The following RAB38 variants were observed in gnomAD, a reference collection of about 807,000 sequenced individuals.
RAB38 encodes RAB38, member RAS oncogene family.
Under a neutral mutation model 18.4 loss-of-function variants are expected in RAB38, and 15 were observed. The ratio of observed to expected loss-of-function variants is 0.82; its 90% confidence interval spans 0.55 to 1.26. The LOEUF is 1.26. Among genes scored for constraint, RAB38 ranks in the 50% most tolerant of loss-of-function variants. The pLI, the probability that RAB38 is intolerant of heterozygous loss-of-function variation, is 0.00. For synonymous variants in RAB38, 101 were observed against 104.4 expected, an observed-to-expected ratio of 0.97 and a Z score of 0.20; for missense variants, 294 against 267.4, an observed-to-expected ratio of 1.10 and a Z score of -0.69.
At chr11:87,901,962 T>C in the RAB38 span, among the ~76,000 whole-genome samples, 1 of 151,360 alleles carries the variant, frequency 6.6e-6, no homozygotes, top group African/African-American at 2.4e-5. Flanking sequence ...CGCTGATAAC[T>C]TTTATGCTAA....
At chr11:87,811,785 A>T in the RAB38 span, among the ~76,000 whole-genome samples, 1 of 152,172 alleles carries the variant, frequency 6.6e-6, no homozygotes, top group Non-Finnish European at 1.5e-5. Context: ...CCTTAAATAC[A>T]TATTACTCAT....
the RAB38 span, among the ~76,000 whole-genome samples, chr11:88,072,006 C>T: frequency 5.3e-5 from 8 of 152,232 alleles, no homozygotes; most frequent in African/African-American, 1.9e-4. Flanking sequence ...GTCTACCTTT[C>T]ATACATACAC....
chr11:87,818,158 T>A, the RAB38 span, among the ~76,000 whole-genome samples: 5 of 152,324 alleles, frequency 3.3e-5, no homozygotes, highest in African/African-American at 1.2e-4. Context: ...AGATCTGGGA[T>A]AAGGCTTGAT....
intron 2 of RAB38, among the ~76,000 whole-genome samples, chr11:88,117,909 C>T (rs1385921950): frequency 2.0e-5 from 3 of 152,204 alleles, no homozygotes; most frequent in Non-Finnish European, 4.4e-5. Flanking sequence ...TACAAGTTAA[C>T]CATCAGAAGA....
intron 2 of RAB38, among the ~76,000 whole-genome samples, chr11:88,127,977 A>G (rs1369752236): frequency 6.6e-6 from 1 of 152,196 alleles, no homozygotes; most frequent in African/African-American, 2.4e-5. Flanking sequence ...GTTGGCATGT[A>G]GTGCTTACAA....
At chr11:88,155,501 G>C (rs181542177) in intron 1 of RAB38, among the ~76,000 whole-genome samples, 3 of 152,124 alleles carry the variant, frequency 2.0e-5, no homozygotes, top group African/African-American at 7.2e-5. Context: ...GAAAAAAATA[G>C]CAATAGTATG....
At chr11:88,044,988 A>G in the RAB38 span, among the ~76,000 whole-genome samples, 5 of 152,122 alleles carry the variant, frequency 3.3e-5, no homozygotes, top group South Asian at 8.3e-4. Context: ...TCTTAAAAAG[A>G]TGGCTGGAGC....
At chr11:88,090,755 A>G in the RAB38 span, among the ~76,000 whole-genome samples, 5 of 151,942 alleles carry the variant, frequency 3.3e-5, no homozygotes, top group Admixed American at 6.6e-5. Context: ...GCCAAAAATA[A>G]CAAATGCCAA....
chr11:87,915,355 G>T, the RAB38 span, among the ~76,000 whole-genome samples: 1 of 152,074 alleles, frequency 6.6e-6, no homozygotes, highest in Non-Finnish European at 1.5e-5. Context: ...GATAAAACAG[G>T]TTGCAGTAAA....
the RAB38 span, among the ~76,000 whole-genome samples, chr11:88,035,481 C>T: frequency 4.6e-5 from 7 of 152,188 alleles, no homozygotes; most frequent in Admixed American, 3.9e-4. Flanking sequence ...CTGACTCACA[C>T]AATCACAAGG....
At chr11:88,085,402 CT>C in the RAB38 span, among the ~76,000 whole-genome samples, 1 of 151,870 alleles carries the variant, frequency 6.6e-6, no homozygotes, top group Admixed American at 6.6e-5. Context: ...AGCCAAGTAA[CT>C]TTTACAAAGT....
the RAB38 span, among the ~76,000 whole-genome samples, chr11:88,059,994 G>A: frequency 1.3e-5 from 2 of 152,158 alleles, no homozygotes; most frequent in African/African-American, 2.4e-5. Flanking sequence ...TCATTTTTAT[G>A]AACATTCAAT....
the RAB38 span, among the ~76,000 whole-genome samples, chr11:87,893,302 G>GTGTGTA: frequency 5.8e-5 from 8 of 138,460 alleles, no homozygotes; most frequent in East Asian, 2.2e-4. Context: ...GTGTGTGTGT[G>GTGTGTA]TATATATATA....
At chr11:88,037,485 C>T in the RAB38 span, among the ~76,000 whole-genome samples, 2 of 152,000 alleles carry the variant, frequency 1.3e-5, no homozygotes, top group African/African-American at 4.8e-5. Flanking sequence ...ACAGTTTGAG[C>T]ACTCTTGGAA....
At chr11:87,808,124 C>T in the RAB38 span, among the ~76,000 whole-genome samples, 1 of 152,034 alleles carries the variant, frequency 6.6e-6, no homozygotes, top group African/African-American at 2.4e-5. Context: ...TAAAGTAGTA[C>T]AGTTATTACA....
At chr11:87,914,260 A>G in the RAB38 span, among the ~76,000 whole-genome samples, 1 of 152,272 alleles carries the variant, frequency 6.6e-6, no homozygotes, top group South Asian at 2.1e-4. Flanking sequence ...AGAAACATAG[A>G]CAGTAAAGGC....
At chr11:87,842,237 A>G in the RAB38 span, among the ~76,000 whole-genome samples, 2 of 152,326 alleles carry the variant, frequency 1.3e-5, no homozygotes, top group South Asian at 2.1e-4. Context: ...GAAGGCCACA[A>G]CACTAGTGAA....
At chr11:87,814,373 C>T in the RAB38 span, among the ~76,000 whole-genome samples, 133,536 of 152,220 alleles carry the variant, frequency 0.88, 58,773 homozygotes, top group African/African-American at 0.9. Context: ...TGTATTATAG[C>T]TGATCAAGAG....
chr11:87,888,302 A>T, the RAB38 span, among the ~76,000 whole-genome samples: 1 of 151,946 alleles, frequency 6.6e-6, no homozygotes, highest in South Asian at 2.1e-4. Context: ...TCCATTTCAG[A>T]TATGCTCACA....
Sources: gnomAD v4.1 joint callset for allele counts (sites outside exome capture counted in the v4.1 genomes callset) on GRCh38, gnomAD v4.1.1 for gene constraint, MANE v1.5 for transcripts, NCBI Gene and HGNC (gene_info 2026-07-23, HGNC 2026-07-21) for gene names.